The following AOAH variants were observed in gnomAD, a reference collection of about 807,000 sequenced individuals.
AOAH encodes the protein acyloxyacyl hydrolase (neutrophil).
In AOAH, 64 loss-of-function variants were observed where a neutral mutation model predicts 92.2. That is an observed-to-expected ratio of 0.69 (90% confidence interval 0.57 to 0.86). AOAH has a LOEUF of 0.86. Among genes scored for constraint, AOAH ranks in the 40% least tolerant of loss-of-function variants. The pLI is 0.00. For missense variants in AOAH, 656 were observed against 694.6 expected (o/e 0.94, Z 0.62); for synonymous variants, 263 against 254.5 (o/e 1.03, Z -0.32).
chr7:36,627,301 G>A (rs1284369108), intron 6 of AOAH, among the ~76,000 whole-genome samples: 1 of 152,216 alleles, frequency 6.6e-6, no homozygotes, highest in Non-Finnish European at 1.5e-5. Context: ...AAAGCTAAAG[G>A]ATGAGACAGC....
intron 1 of AOAH, among the ~76,000 whole-genome samples, chr7:36,690,363 C>G (rs1797320044): frequency 6.6e-6 from 1 of 152,198 alleles, no homozygotes; most frequent in Non-Finnish European, 1.5e-5. Flanking sequence ...GGGCTCAGCT[C>G]TGATCTGGAG....
At chr7:36,684,213 A>T (rs1796825593) in intron 2 of AOAH, among the ~76,000 whole-genome samples, 1 of 152,180 alleles carries the variant, frequency 6.6e-6, no homozygotes, top group Non-Finnish European at 1.5e-5. Context: ...GCTCATGTGC[A>T]AAGGACTTGA....
intron 6 of AOAH, among the ~76,000 whole-genome samples, chr7:36,624,371 C>G (rs566773042): frequency 1.3e-5 from 2 of 152,168 alleles, no homozygotes; most frequent in Non-Finnish European, 2.9e-5. Context: ...CTGAGAACCT[C>G]AAGGCAAATA....
At chr7:36,607,439 G>GTGTT (rs1791091136) in intron 11 of AOAH, among the ~76,000 whole-genome samples, 1 of 152,160 alleles carries the variant, frequency 6.6e-6, no homozygotes, top group Non-Finnish European at 1.5e-5. Context: ...ACTCCTGCTG[G>GTGTT]TGTTTGAGGT....
chr7:36,548,583 C>A (rs761047125), intron 15 of AOAH, 29 bp downstream of exon 15: 3 of 1,595,408 alleles, frequency 1.9e-6, no homozygotes, highest in South Asian at 2.2e-5. Context: ...GCCAAAGAAT[C>A]TTGAAAATAC....
intron 3 of AOAH, among the ~76,000 whole-genome samples, chr7:36,667,582 A>G (rs778729148): frequency 1.3e-5 from 2 of 152,228 alleles, no homozygotes; most frequent in Non-Finnish European, 2.9e-5. Flanking sequence ...TCTCACAGAT[A>G]AGGGAAGATT....
chr7:36,537,506 G>GTTTTT (rs67918250), intron 16 of AOAH, among the ~76,000 whole-genome samples: 19 of 134,836 alleles, frequency 1.4e-4, no homozygotes, highest in Admixed American at 2.3e-4. Flanking sequence ...CACCCCTCTT[G>GTTTTT]TTTTTTTTTT....
chr7:36,689,018 C>T (rs1484828218), intron 1 of AOAH, among the ~76,000 whole-genome samples: 1 of 152,072 alleles, frequency 6.6e-6, no homozygotes, highest in Non-Finnish European at 1.5e-5. Context: ...GTCTCGAACT[C>T]CTGGCCTCAA....
At chr7:36,644,495 T>C (rs1794107150) in intron 4 of AOAH, among the ~76,000 whole-genome samples, 1 of 152,168 alleles carries the variant, frequency 6.6e-6, no homozygotes, top group Non-Finnish European at 1.5e-5. Flanking sequence ...TCAGCCTAAG[T>C]CCATTCAGCT....
intron 16 of AOAH, among the ~76,000 whole-genome samples, chr7:36,537,985 T>C (rs1785184329): frequency 6.6e-6 from 1 of 151,194 alleles, no homozygotes; most frequent in Non-Finnish European, 1.5e-5. Context: ...CGTGGAGTCA[T>C]GCTTACATAC....
chr7:36,714,775 C>G (rs1799014531), intron 1 of AOAH, among the ~76,000 whole-genome samples: 1 of 152,202 alleles, frequency 6.6e-6, no homozygotes, highest in Admixed American at 6.5e-5. Context: ...CAAAATTCAA[C>G]AACGCTTCAT....
chr7:36,669,536 C>T (rs529802996), intron 3 of AOAH, among the ~76,000 whole-genome samples: 1 of 152,030 alleles, frequency 6.6e-6, no homozygotes, highest in Admixed American at 6.5e-5. Flanking sequence ...GCACTCACCA[C>T]CATGCCTGGC....
rs1483800875 is a variant in AOAH, at chr7:36,673,948, TATG to T, written c.282_284del (p.Ile95del). 2 of 1,608,414 alleles carry T rather than the reference TATG, an allele frequency of 1.2e-6. No individual in the cohort carries two copies. Among genetic ancestry groups the T allele is most frequent in the South Asian group, 2.2e-5 (2 of 90,584 alleles). ...ATGTGTCATGGCATACTCACAGTTT[TATG>T]ATGTCTGATCCAAACTTGTCAATGA... On this transcript the variant is annotated inframe_deletion, in exon 3 of 21. Coordinates refer to ENST00000617537, the MANE Select transcript of AOAH (RefSeq NM_001637.4).
At chr7:36,715,145 T>C (rs1799047989) in intron 1 of AOAH, among the ~76,000 whole-genome samples, 1 of 152,100 alleles carries the variant, frequency 6.6e-6, no homozygotes, top group Non-Finnish European at 1.5e-5. Flanking sequence ...GGATACAAAA[T>C]CAATGTGCAA....
chr7:36,704,024 G>C (rs369578669), intron 1 of AOAH, among the ~76,000 whole-genome samples: 2 of 152,052 alleles, frequency 1.3e-5, no homozygotes, highest in East Asian at 3.9e-4. Context: ...AAGTTACCAT[G>C]TGGTGTTATT....
At chr7:36,720,322 GTATATC>G (rs1562731066) in intron 1 of AOAH, among the ~76,000 whole-genome samples, 1 of 143,800 alleles carries the variant, frequency 7.0e-6, no homozygotes, top group Admixed American at 7.2e-5. Context: ...GCTAATTTTT[GTATATC>G]TATATTTACA....
rs900347869 is a variant in AOAH at position 36,516,486 on chromosome 7, C to G, written c.1600-3106G>C. Among the ~76,000 whole-genome samples the G allele has an allele frequency of 3.5e-4, 52 of 147,588 alleles. No individual in the cohort carries two copies. Among genetic ancestry groups the G allele is most frequent in the East Asian group, 6.0e-4 (3 of 5,000 alleles). Reference sequence around the variant, plus strand: ...CACGGATACCACACACACACACACACAGAAAGCGCACACAGCATTCACACC... The same window carrying G: ...CACGGATACCACACACACACACACAGAGAAAGCGCACACAGCATTCACACC... On this transcript the variant is annotated intron_variant, in intron 20 of 20. Transcript: ENST00000617537. The surrounding 1 kb of genome is among the most constrained non-coding windows in gnomAD (Gnocchi z 5.0).
intron 12 of AOAH, among the ~76,000 whole-genome samples, chr7:36,587,798 GAAACAAA>G (rs1789459719): frequency 6.6e-6 from 1 of 152,004 alleles, no homozygotes; most frequent in African/African-American, 2.4e-5. Context: ...AACAATGTTT[GAAACAAA>G]ACATTGAAAA....
chr7:36,557,547 G>A (rs1235792839), intron 13 of AOAH, among the ~76,000 whole-genome samples: 19 of 151,838 alleles, frequency 1.3e-4, no homozygotes, highest in African/African-American at 4.4e-4. Context: ...GCTAGATTGG[G>A]GAAGTTCTCC....
Sources: gnomAD v4.1 joint callset for allele counts (sites outside exome capture counted in the v4.1 genomes callset) on GRCh38, gnomAD v4.1.1 for gene constraint, Gnocchi (gnomAD v3.1) non-coding constraint, MANE v1.5 for transcripts, NCBI Gene and HGNC (gene_info 2026-07-23, HGNC 2026-07-21) for gene names.